Variants in TSHZ2 observed in about 807,000 individuals in gnomAD.
The protein encoded by TSHZ2 is teashirt homolog 2.
Under a neutral mutation model 74.4 loss-of-function variants are expected in TSHZ2, and 21 were observed. The ratio of observed to expected loss-of-function variants is 0.28; its 90% confidence interval spans 0.20 to 0.41. TSHZ2 has a LOEUF of 0.41. Among genes scored for constraint, TSHZ2 ranks in the 10% least tolerant of loss-of-function variants. The probability of loss-of-function intolerance (pLI) is 1.00; values close to 1 mark genes in which losing one functional copy is unlikely to be tolerated. For missense variants in TSHZ2, 1,244 were observed against 1,293.5 expected (o/e 0.96, Z 0.59); for synonymous variants, 540 against 515.3 (o/e 1.05, Z -0.65).
intron 2 of TSHZ2, among the ~76,000 whole-genome samples, chr20:53,273,185 T>C (rs1990873383): frequency 6.6e-6 from 1 of 152,226 alleles, no homozygotes; most frequent in Admixed American, 6.5e-5. Flanking sequence ...CTTTGGATTT[T>C]TTGAGACCAT....
chr20:53,454,389 C>T (rs1172201542), intron 2 of TSHZ2, among the ~76,000 whole-genome samples: 1 of 151,852 alleles, frequency 6.6e-6, no homozygotes, highest in Non-Finnish European at 1.5e-5. Flanking sequence ...TGGTGACACC[C>T]CATCTTTACT....
intron 1 of TSHZ2, among the ~76,000 whole-genome samples, chr20:52,997,267 G>GC (rs974126089): frequency 1.1e-4 from 17 of 150,914 alleles, no homozygotes; most frequent in South Asian, 2.1e-4. Context: ...CCCGGGGGGG[G>GC]GTTCAGCACT....
chr20:53,177,854 T>A (rs889621874), intron 1 of TSHZ2, among the ~76,000 whole-genome samples: 1 of 152,188 alleles, frequency 6.6e-6, no homozygotes, highest in African/African-American at 2.4e-5. Context: ...CCTTACTGAC[T>A]TCATGCTGAA....
At chr20:53,216,380 G>T (rs1479352943) in intron 1 of TSHZ2, among the ~76,000 whole-genome samples, 2 of 152,194 alleles carry the variant, frequency 1.3e-5, no homozygotes, top group Non-Finnish European at 2.9e-5. Flanking sequence ...TGGGACTGGG[G>T]TGGCGGAATC....
At chr20:53,012,343 G>A (rs1296441516) in intron 1 of TSHZ2, among the ~76,000 whole-genome samples, 1 of 152,082 alleles carries the variant, frequency 6.6e-6, no homozygotes, top group African/African-American at 2.4e-5. Flanking sequence ...TTACTCCTGG[G>A]TGTGTTCCAT....
chr20:53,233,399 T>A (rs888310528), intron 1 of TSHZ2, among the ~76,000 whole-genome samples: 1 of 152,140 alleles, frequency 6.6e-6, no homozygotes, highest in African/African-American at 2.4e-5. Flanking sequence ...TAAGAAGAGA[T>A]CCTGTCTAAT....
chr20:53,031,453 A>G (rs1022682234), intron 1 of TSHZ2, among the ~76,000 whole-genome samples: 31 of 152,338 alleles, frequency 2.0e-4, no homozygotes, highest in Middle Eastern at 3.4e-3. Flanking sequence ...GACAAGTGAG[A>G]CAACAGTTGA....
At chr20:52,979,010 C>T (rs1448834958) in intron 1 of TSHZ2, among the ~76,000 whole-genome samples, 1 of 151,680 alleles carries the variant, frequency 6.6e-6, no homozygotes, top group African/African-American at 2.4e-5. Context: ...TCTCACATTC[C>T]TTAGGGTGAT....
rs138844500 is a variant in TSHZ2 at position 53,254,428 on chromosome 20, G to T, written c.970G>T (p.Val324Phe). 6 of 1,613,184 alleles carry T rather than the reference G, an allele frequency of 3.7e-6. No homozygotes were observed. Among genetic ancestry groups the T allele is most frequent in the African/African-American group, 1.3e-5 (1 of 74,914 alleles). Residue 324 changes from valine to phenylalanine, a missense_variant, in exon 2 of 3, where the codon GTT becomes TTT. Transcript: ENST00000371497. Reference protein sequence around the residue: ...SKMVTPAKKRVFDVNRPCSPD... With the variant: ...SKMVTPAKKRFFDVNRPCSPD... ...AATGGTCACCCCGGCTAAGAAACGC[G>T]TTTTTGATGTCAATCGGCCGTGTTC...
intron 2 of TSHZ2, among the ~76,000 whole-genome samples, chr20:53,408,749 C>A (rs1333875883): frequency 2.0e-5 from 3 of 152,190 alleles, no homozygotes. Context: ...CCGAATGGAA[C>A]CTGACTGCCT....
At chr20:53,373,712 A>T (rs2145627163) in intron 2 of TSHZ2, among the ~76,000 whole-genome samples, 1 of 152,330 alleles carries the variant, frequency 6.6e-6, no homozygotes, top group Non-Finnish European at 1.5e-5. Flanking sequence ...GCAATGAGTC[A>T]AACATGTTAT....
At chr20:53,070,498 C>G (rs1318964460) in intron 1 of TSHZ2, among the ~76,000 whole-genome samples, 1 of 152,164 alleles carries the variant, frequency 6.6e-6, no homozygotes, top group Non-Finnish European at 1.5e-5. Flanking sequence ...GTGACTGTGA[C>G]CCTCTAAAAA....
At chr20:53,199,200 T>G (rs1034459976) in intron 1 of TSHZ2, among the ~76,000 whole-genome samples, 4 of 152,212 alleles carry the variant, frequency 2.6e-5, no homozygotes, top group Non-Finnish European at 4.4e-5. Context: ...TGTTTAGAAC[T>G]AAAATCAAGA....
chr20:53,417,404 C>T (rs1191765196), intron 2 of TSHZ2, among the ~76,000 whole-genome samples: 2 of 152,090 alleles, frequency 1.3e-5, no homozygotes, highest in Non-Finnish European at 2.9e-5. Context: ...TCAAGCGATT[C>T]TCCTGCCGCA....
chr20:53,193,969 C>T (rs898054447), intron 1 of TSHZ2, among the ~76,000 whole-genome samples: 4 of 152,194 alleles, frequency 2.6e-5, no homozygotes, highest in African/African-American at 9.7e-5. Flanking sequence ...AGTGCTCAGA[C>T]TTTGGAACAC....
Position 53,400,363 on chromosome 20 carries a change from T to A in TSHZ2, c.*9-86781T>A, listed in dbSNP as rs148878806. ...AAAGTGCTTGTTGAATGTCTTCCAC[T>A]GTTCCGACACAGAAACGCAGCATAA... On this transcript the variant is annotated intron_variant, in intron 2 of 2. Transcript: ENST00000371497. The A allele has an allele frequency of 2.6e-5, 4 of 152,420 alleles. No homozygotes were observed. In the East Asian group the frequency reaches 7.7e-4, roughly 29 times the overall value. The allele number at this position is 152,420 out of a possible 1,614,324, so 9.4% of individuals were successfully genotyped here.
At chr20:53,001,230 G>GTGTGTATGTGTGTGTGTGTGTA (rs755040371) in intron 1 of TSHZ2, among the ~76,000 whole-genome samples, 9 of 126,114 alleles carry the variant, frequency 7.1e-5, no homozygotes, top group Non-Finnish European at 1.2e-4. Context: ...GTGTGTGTGT[G>GTGTGTATGTGTGTGTGTGTGTA]TGTGTGTGTG....
chr20:53,392,751 G>C (rs1302490914), intron 2 of TSHZ2, among the ~76,000 whole-genome samples: 1 of 152,100 alleles, frequency 6.6e-6, no homozygotes, highest in East Asian at 1.9e-4. Context: ...ATGCAGGTTT[G>C]TTACATGGGT....
At chr20:52,997,684 C>T (rs945646634) in intron 1 of TSHZ2, among the ~76,000 whole-genome samples, 2 of 152,284 alleles carry the variant, frequency 1.3e-5, no homozygotes, top group South Asian at 2.1e-4. Context: ...CTGTTCCAGG[C>T]GATGCCACCT....
Sources: allele counts gnomAD v4.1 joint callset (sites outside exome capture counted in the v4.1 genomes callset), GRCh38; gene constraint gnomAD v4.1.1; transcripts MANE v1.5; gene names NCBI Gene and HGNC (gene_info 2026-07-23, HGNC 2026-07-21).